The following ZCCHC4 variants were observed in gnomAD, a reference collection of about 807,000 sequenced individuals.
ZCCHC4 encodes rRNA N(6)-adenosine-methyltransferase ZCCHC4.
Under a neutral mutation model 67.7 loss-of-function variants are expected in ZCCHC4, and 54 were observed. The observed-to-expected ratio is 0.80, with a 90% CI of 0.64 to 1.00. The LOEUF (loss-of-function observed/expected upper bound fraction) is 1.00, where lower values mean the gene tolerates loss of function less well. Ranked by LOEUF, ZCCHC4 falls within the 50% of genes least tolerant of loss-of-function variation. The pLI is 0.00. For missense variants in ZCCHC4, 609 were observed against 617.0 expected, an observed-to-expected ratio of 0.99 and a Z score of 0.14; for synonymous variants, 198 against 213.5, an observed-to-expected ratio of 0.93 and a Z score of 0.63.
intron 3 of ZCCHC4, among the ~76,000 whole-genome samples, chr4:25,326,081 G>T (rs1297571776): frequency 6.6e-6 from 1 of 152,202 alleles, no homozygotes; most frequent in Non-Finnish European, 1.5e-5. Flanking sequence ...AGTAATGGAG[G>T]CCCAACATCC....
In ZCCHC4 at chr4:25,369,024, TC is replaced by T. The variant is rs1721049668; in HGVS notation, c.1407-3del. The T allele has an allele frequency of 6.2e-7, 1 of 1,606,238 alleles. No homozygotes were observed. The highest frequency in any genetic ancestry group is 8.5e-7 in the Non-Finnish European group (1 of 1,178,302). On this transcript the variant is annotated splice_region_variant and splice_polypyrimidine_tract_variant and intron_variant, in intron 12 of 12. Coordinates refer to ENST00000302874, the MANE Select transcript of ZCCHC4 (RefSeq NM_024936.3). Reference sequence around the variant, plus strand: ...TGTGAAATAATTTAGCACCTTGTTTTCCAGAGCTGTCAGAAAGCAGAAGCAA... The same window carrying T: ...TGTGAAATAATTTAGCACCTTGTTTTCAGAGCTGTCAGAAAGCAGAAGCAA...
Position 25,315,342 on chromosome 4 carries a change from C to T in ZCCHC4, c.271C>T (p.Arg91Ter), listed in dbSNP as rs766400497. Reference sequence around the variant, plus strand: ...GTTGTCAGGAGCTAGACTTGCTGCCCGAGAAGCTCATAACCGAAGATGTCA... The same window carrying T: ...GTTGTCAGGAGCTAGACTTGCTGCCTGAGAAGCTCATAACCGAAGATGTCA... ...EKLSGARLAA[R>*]EAHNRRCQPP... Residue 91 changes from arginine to a stop codon, truncating the protein, a stop_gained, in exon 3 of 13, where the codon CGA becomes TGA. Coordinates refer to ENST00000302874, the MANE Select transcript of ZCCHC4 (RefSeq NM_024936.3). LOFTEE classifies it high-confidence loss of function. 4.3e-6 allele frequency: 7 copies of T among 1,612,558 alleles called. No individual in the cohort carries two copies. Among genetic ancestry groups the T allele is most frequent in the Admixed American group, 3.3e-5 (2 of 59,846 alleles).
intron 7 of ZCCHC4, 47 bp from the exon 8 acceptor site, chr4:25,351,542 T>A: frequency 7.5e-7 from 1 of 1,338,620 alleles, no homozygotes. Context: ...TAGCCTTCTA[T>A]TTTTTCTTTA....
chr4:25,351,529 C>A (rs1295756233), intron 7 of ZCCHC4, 60 bp from the exon 8 acceptor site: 2 of 1,163,092 alleles, frequency 1.7e-6, no homozygotes, highest in Non-Finnish European at 2.5e-6. Flanking sequence ...AGTTTTTCTA[C>A]TGTAGCCTTC....
At chr4:25,316,908 G>A (rs773994923) in intron 3 of ZCCHC4, among the ~76,000 whole-genome samples, 6 of 152,136 alleles carry the variant, frequency 3.9e-5, no homozygotes, top group Non-Finnish European at 8.8e-5. Flanking sequence ...AAGATTTGCT[G>A]TGATGTTTCT....
At chr4:25,319,246 G>C (rs549955684) in intron 3 of ZCCHC4, among the ~76,000 whole-genome samples, 2 of 152,144 alleles carry the variant, frequency 1.3e-5, no homozygotes, top group Non-Finnish European at 2.9e-5. Flanking sequence ...TTAGCTGGGC[G>C]TGGTGGCGGG....
At chr4:25,363,012 A>C (rs530894478) in intron 10 of ZCCHC4, among the ~76,000 whole-genome samples, 1 of 152,224 alleles carries the variant, frequency 6.6e-6, no homozygotes, top group East Asian at 1.9e-4. Flanking sequence ...CTGCGTTGAC[A>C]CATCATTAAC....
At chr4:25,361,700 A>C (rs1720746175) in intron 8 of ZCCHC4, 159 bp from the exon 9 acceptor site, 2 of 675,432 alleles carry the variant, frequency 3.0e-6, no homozygotes, top group Admixed American at 6.0e-5. Flanking sequence ...TGGTCCACCC[A>C]CTCCCCTCAG....
chr4:25,369,057 A>G lies in ZCCHC4; in HGVS notation c.1435A>G (p.Ser479Gly). ...KAVRKQKQRK[S>G]NKMKMETTKG... ...TGTCAGAAAGCAGAAGCAAAGAAAAAGTAATAAGATGAAAATGGAGACCAC... is the reference window on the plus strand; with the variant it reads ...TGTCAGAAAGCAGAAGCAAAGAAAAGGTAATAAGATGAAAATGGAGACCAC... The change falls in exon 13 of 13, where the codon AGT (serine) becomes GGT (glycine). Residue 479 changes from serine to glycine, a missense_variant. Coordinates refer to ENST00000302874, the MANE Select transcript of ZCCHC4 (RefSeq NM_024936.3). 6.2e-7 allele frequency: 1 copy of G among 1,611,492 alleles called. No individual in the cohort carries two copies. The highest frequency in any genetic ancestry group is 8.5e-7 in the Non-Finnish European group (1 of 1,179,440).
intron 8 of ZCCHC4, among the ~76,000 whole-genome samples, chr4:25,352,939 T>A (rs896212354): frequency 6.6e-6 from 1 of 152,236 alleles, no homozygotes; most frequent in African/African-American, 2.4e-5. Flanking sequence ...TACTTGTGAT[T>A]CCACCCAAAC....
Position 25,369,099 on chromosome 4 carries a change from AATCATAC to A in ZCCHC4, c.1481_1487del (p.His494LeufsTer26), listed in dbSNP as rs776191922. ...GGAGACCACGAAAGGACAATCCATG[AATCATAC>A]ATCTGCTACAAGGAGAAAGAAAAGG... On this transcript the variant is annotated frameshift_variant, in exon 13 of 13. Coordinates refer to ENST00000302874, the MANE Select transcript of ZCCHC4 (RefSeq NM_024936.3). LOFTEE classifies it high-confidence loss of function. 7 of 1,613,924 alleles carry A rather than the reference AATCATAC, an allele frequency of 4.3e-6. No individual in the cohort carries two copies. The South Asian group carries it at 7.7e-5, about 18-fold the overall frequency.
At chr4:25,363,487 C>A (rs2109093909) in intron 10 of ZCCHC4, among the ~76,000 whole-genome samples, 1 of 152,188 alleles carries the variant, frequency 6.6e-6, no homozygotes, top group Non-Finnish European at 1.5e-5. Flanking sequence ...GGCGGGTGAC[C>A]CTTGTTTTGT....
intron 12 of ZCCHC4, among the ~76,000 whole-genome samples, chr4:25,368,038 A>G (rs1057232628): frequency 2.0e-5 from 3 of 152,128 alleles, no homozygotes; most frequent in Non-Finnish European, 2.9e-5. Flanking sequence ...ATGCCCATTC[A>G]TTTTTGTTTT....
intron 9 of ZCCHC4, 68 bp from the exon 10 acceptor site, chr4:25,362,158 G>A: frequency 1.3e-6 from 2 of 1,495,158 alleles, no homozygotes; most frequent in East Asian, 4.6e-5. Flanking sequence ...TGAGTGCTTT[G>A]TAAAGTTTTA....
At chr4:25,337,550 T>C (rs1213610472) in intron 5 of ZCCHC4, among the ~76,000 whole-genome samples, 2 of 152,212 alleles carry the variant, frequency 1.3e-5, no homozygotes, top group East Asian at 3.8e-4. Flanking sequence ...GAGCCATCAC[T>C]GTGGCCTGGC....
chr4:25,350,892 A>G (rs548820316), intron 7 of ZCCHC4, among the ~76,000 whole-genome samples: 1 of 152,128 alleles, frequency 6.6e-6, no homozygotes, highest in African/African-American at 2.4e-5. Context: ...CAGTTTCCCT[A>G]TCTGTAAAAT....
chr4:25,356,202 G>C (rs1177893156), intron 8 of ZCCHC4, among the ~76,000 whole-genome samples: 1 of 152,106 alleles, frequency 6.6e-6, no homozygotes, highest in Non-Finnish European at 1.5e-5. Flanking sequence ...TTTTCTATTT[G>C]AAAATGCCTC....
rs774880715 is a variant in ZCCHC4, at chr4:25,349,647, A to G, written c.910+5A>G. Reference sequence around the variant, plus strand: ...GGAAAGAAGGTCAAAGCCAAGGTGTATAATTTATTACTGCAAAATAAATAC... The same window carrying G: ...GGAAAGAAGGTCAAAGCCAAGGTGTGTAATTTATTACTGCAAAATAAATAC... On this transcript the variant is annotated splice_donor_5th_base_variant and intron_variant, in intron 7 of 12. Transcript: ENST00000302874. 3 of 1,612,928 alleles carry G rather than the reference A, an allele frequency of 1.9e-6. No individual in the cohort carries two copies. Among genetic ancestry groups the G allele is most frequent in the South Asian group, 2.2e-5 (2 of 90,888 alleles).
At chr4:25,350,971 T>C (rs1052662931) in intron 7 of ZCCHC4, among the ~76,000 whole-genome samples, 1 of 152,220 alleles carries the variant, frequency 6.6e-6, no homozygotes, top group Non-Finnish European at 1.5e-5. Flanking sequence ...TATAGCTTAG[T>C]GTAAGCACTA....
Sources: gnomAD v4.1 joint callset for allele counts (sites outside exome capture counted in the v4.1 genomes callset) on GRCh38, gnomAD v4.1.1 for gene constraint, MANE v1.5 for transcripts, NCBI Gene and HGNC (gene_info 2026-07-23, HGNC 2026-07-21) for gene names.